Variants in ZNF229 observed in about 807,000 individuals in gnomAD.
The protein encoded by ZNF229 is zinc finger protein 229.
ZNF229 carries 10 observed loss-of-function variants against 11.8 expected under a neutral mutation model. The ratio of observed to expected loss-of-function variants is 0.85; its 90% CI spans 0.52 to 1.44. ZNF229 has a LOEUF of 1.44. Among genes scored for constraint, ZNF229 ranks in the 40% most tolerant of loss-of-function variants. ZNF229 has a pLI of 0.00. For synonymous variants in ZNF229, 368 were observed against 374.8 expected (o/e 0.98, Z 0.21); for missense variants, 1,045 against 1,015.1 (o/e 1.03, Z -0.40).
At chr19:44,434,822 T>C (rs1352172445) in intron 4 of ZNF229, among the ~76,000 whole-genome samples, 1 of 152,188 alleles carries the variant, frequency 6.6e-6, no homozygotes, top group Admixed American at 6.6e-5. Flanking sequence ...ACATGGTTTG[T>C]CTCTGTCCCC....
At position 44,430,433 on chromosome 19, in the gene ZNF229, T is replaced by G. The variant is rs1971700744; in HGVS notation, c.348A>C (p.Leu116Phe). 4.3e-6 allele frequency: 7 copies of G among 1,614,162 alleles called. No individual in the cohort carries two copies. Among genetic ancestry groups the G allele is most frequent in the Non-Finnish European group, 5.9e-6 (7 of 1,180,026 alleles). The change falls in exon 6 of 6, where the codon TTA (leucine) becomes TTC (phenylalanine). Residue 116 changes from leucine (L) to phenylalanine (F), a missense_variant. Leu to Phe is a conservative substitution (Grantham distance 22). Coordinates refer to ENST00000614049, the MANE Select transcript of ZNF229 (RefSeq NM_014518.4). Reference sequence around the variant, plus strand: ...TTACTCTACAGTCTTGGCTCCCAGGTAATTCACCTGCCACCTCTTCCCAGA... The same window carrying G: ...TTACTCTACAGTCTTGGCTCCCAGGGAATTCACCTGCCACCTCTTCCCAGA... ...CKIWEEVAGE[L>F]PGSQDCRVNL...
At position 44,429,902 on chromosome 19, in the gene ZNF229, A is replaced by G; in HGVS notation, c.879T>C (p.Cys293=). The change falls in exon 6 of 6, where the codon TGT becomes TGC. Residue 293 remains cysteine, a synonymous_variant. Transcript: ENST00000614049. ...HPRVPLKEKL[C]QYDEFSEGLR... ...AGCCCTCACTAAACTCATCATATTG[A>G]CAGAGTTTCTCTTTCAAAGGTACTC... is the stretch of plus-strand genomic sequence containing the variant. 6.2e-7 allele frequency: 1 copy of G among 1,614,058 alleles called. No homozygotes were observed. Among genetic ancestry groups the G allele is most frequent in the Non-Finnish European group, 8.5e-7 (1 of 1,180,004 alleles).
chr19:44,428,135 C>A lies in ZNF229; in HGVS notation c.*168G>T. 1.4e-6 allele frequency: 1 copy of A among 704,084 alleles called. No individual in the cohort carries two copies. The highest frequency in any genetic ancestry group is 2.3e-6 in the Non-Finnish European group (1 of 437,348). The allele number at this position is 704,084 out of a possible 1,614,324, so 43.6% of individuals were successfully genotyped here. A position where few individuals can be genotyped will look rare whatever the true frequency, so the allele number is the denominator to read the frequency against. The stretch of plus-strand genomic sequence containing the variant: ...TGAAGTTTGTAACTGAAGTGCTAAC[C>A]TATTTATCACACATCCAGGTGTTCC... On this transcript the variant is annotated 3_prime_UTR_variant, in exon 6 of 6. Coordinates refer to ENST00000614049, the MANE Select transcript of ZNF229 (RefSeq NM_014518.4).
chr19:44,428,377 CA>C lies in ZNF229; in HGVS notation c.2403del (p.Cys801TrpfsTer19), dbSNP rs749988568. On this transcript the variant is annotated frameshift_variant, in exon 6 of 6. Transcript: ENST00000614049. LOFTEE classifies it low-confidence loss of function (END_TRUNC). ...CCTGAGGTATAACTGAAGCCTTTCCCACACACACCACACGTATAGGGCTTCT... is the reference window on the plus strand; with the variant it reads ...CCTGAGGTATAACTGAAGCCTTTCCCCACACACCACACGTATAGGGCTTCT... ...TGEKPYTCGV[C>X]GKGFSYTSGL... is the part of the protein sequence containing the mutation. The C allele has an allele frequency of 7.4e-6, 12 of 1,614,086 alleles. No individual in the cohort carries two copies. In the South Asian group the frequency reaches 1.3e-4, roughly 18 times the overall value.
At position 44,430,547 on chromosome 19, in the gene ZNF229, G is replaced by A. The variant is rs894741683; in HGVS notation, c.239-5C>T. 3.7e-6 allele frequency: 6 copies of A among 1,608,376 alleles called. No homozygotes were observed. The highest frequency in any genetic ancestry group is 4.2e-6 in the Non-Finnish European group (5 of 1,177,088). On this transcript the variant is annotated splice_region_variant and splice_polypyrimidine_tract_variant and intron_variant, in intron 5 of 5. Coordinates refer to ENST00000614049, the MANE Select transcript of ZNF229 (RefSeq NM_014518.4). ...TATCCTTTCCATTCTTGTCTCCTAT[G>A]AGGTTAAAGACAATTCAGAGATGAG...
intron 4 of ZNF229, among the ~76,000 whole-genome samples, chr19:44,437,553 G>T (rs1350840065): frequency 1.3e-5 from 2 of 152,210 alleles, no homozygotes; most frequent in African/African-American, 4.8e-5. Flanking sequence ...ATACAAAGCA[G>T]TGTGGTGATT....
chr19:44,428,029 T>C lies in ZNF229; in HGVS notation c.*274A>G. The C allele has an allele frequency of 2.9e-6, 1 of 347,484 alleles. No individual in the cohort carries two copies. The highest frequency in any genetic ancestry group is 4.7e-5 in the East Asian group (1 of 21,346). The allele number at this position is 347,484 out of a possible 1,614,324, so 21.5% of individuals were successfully genotyped here. On this transcript the variant is annotated 3_prime_UTR_variant, in exon 6 of 6. Coordinates refer to ENST00000614049, the MANE Select transcript of ZNF229 (RefSeq NM_014518.4). ...AAGCTCCCTCCCAGGCAGATTCTGA[T>C]GGAAGTGAGGATTATTACTGAAACC...
rs758830367 is a variant in ZNF229, at chr19:44,429,008, C to G, written c.1773G>C (p.Gln591His). 3 of 1,613,896 alleles carry G rather than the reference C, an allele frequency of 1.9e-6. No homozygotes were observed. The highest frequency in any genetic ancestry group is 2.5e-6 in the Non-Finnish European group (3 of 1,179,948). ...AGGGCCTCTCTCCCGTGTGGACCCT[C>G]TGGTGGCTGTGAAGGTCTGAATTCC... The part of the protein sequence containing the change: ...FRRNSDLHSH[Q>H]RVHTGERPYV... Residue 591 changes from glutamine (Q) to histidine (H), a missense_variant, in exon 6 of 6, where the codon CAG (glutamine) becomes CAC (histidine). Transcript: ENST00000614049.
rs204554 is a variant in ZNF229 at position 44,428,148 on chromosome 19, A to G, written c.*155T>C. The G allele has an allele frequency of 0.78, 602,470 of 771,092 alleles. 238,066 individuals carry two copies. The highest frequency in any genetic ancestry group is 1 in the East Asian group (37,362 of 37,398). 47.8% of individuals were successfully genotyped at this position (771,092 alleles called of 1,614,324 possible). Reference sequence around the variant, plus strand: ...TGAAGTGCTAACCTATTTATCACACATCCAGGTGTTCCCTTCCTATGCAGA... The same window carrying G: ...TGAAGTGCTAACCTATTTATCACACGTCCAGGTGTTCCCTTCCTATGCAGA... On this transcript the variant is annotated 3_prime_UTR_variant, in exon 6 of 6. Transcript: ENST00000614049.
At chr19:44,442,283 C>G (rs1365666972) in intron 4 of ZNF229, among the ~76,000 whole-genome samples, 1 of 152,148 alleles carries the variant, frequency 6.6e-6, no homozygotes, top group East Asian at 1.9e-4. Flanking sequence ...GCTTGGGCCT[C>G]TGCGTGAAGC....
Position 44,430,505 on chromosome 19 carries a change from A to G in ZNF229, c.276T>C (p.Asp92=). 1 of 1,614,082 alleles carries G rather than the reference A, an allele frequency of 6.2e-7. No homozygotes were observed. The highest frequency in any genetic ancestry group is 8.5e-7 in the Non-Finnish European group (1 of 1,180,012). ...KNGKDTEYIQ[D]EELRFFSHKE... ...TGTGTGAAAAGAACCTTAATTCTTC[A>G]TCTTGAATATACTCCGTATCCTTTC... Residue 92 remains aspartate (D), a synonymous_variant, in exon 6 of 6, where the codon GAT becomes GAC. Transcript: ENST00000614049.
At position 44,429,675 on chromosome 19, in the gene ZNF229, C is replaced by T. The variant is rs1299934001; in HGVS notation, c.1106G>A (p.Gly369Glu). ...RYKSVLLIHQ[G>E]VHTGRRPYKC... is the part of the protein sequence containing the mutation. ...ATAGGGTCTCCTTCCTGTGTGCACC[C>T]CTTGATGAATAAGAAGAACCGATTT... Residue 369 changes from glycine to glutamate, a missense_variant, in exon 6 of 6, where the codon GGG becomes GAG. Gly to Glu is a moderately conservative substitution (Grantham distance 98). Transcript: ENST00000614049. The T allele has an allele frequency of 6.2e-7, 1 of 1,614,118 alleles. No homozygotes were observed. The highest frequency in any genetic ancestry group is 1.1e-5 in the South Asian group (1 of 91,090).
chr19:44,443,876 T>C (rs1033067795), intron 2 of ZNF229, among the ~76,000 whole-genome samples: 1 of 152,196 alleles, frequency 6.6e-6, no homozygotes, highest in Admixed American at 6.5e-5. Flanking sequence ...TCCTGAGTTA[T>C]GCTCATGGAG....
At chr19:44,445,665 T>C (rs62116270) in intron 2 of ZNF229, among the ~76,000 whole-genome samples, 17,834 of 152,200 alleles carry the variant, frequency 0.12, 1,043 homozygotes, top group Middle Eastern at 0.2. Flanking sequence ...CACCCTCCTC[T>C]GCTTCATTTT....
rs753453548 is a variant in ZNF229 at position 44,429,967 on chromosome 19, T to C, written c.814A>G (p.Asn272Asp). The change falls in exon 6 of 6, where the codon AAT (asparagine) becomes GAT (aspartate). Residue 272 changes from asparagine (N) to aspartate (D), a missense_variant. Asn to Asp is a conservative substitution (Grantham distance 23). Coordinates refer to ENST00000614049, the MANE Select transcript of ZNF229 (RefSeq NM_014518.4). ...AGGTCTGCATCGTCCCTGAAGCCAT[T>C]TCTGTATTCGTTACTTTTCAAGCCA... ...ENGLKSNEYRNGFRDDADLPP... is the reference protein window; with the variant it reads ...ENGLKSNEYRDGFRDDADLPP... 3 of 1,613,836 alleles carry C rather than the reference T, an allele frequency of 1.9e-6. No homozygotes were observed. Among genetic ancestry groups the C allele is most frequent in the Non-Finnish European group, 2.5e-6 (3 of 1,179,770 alleles).
At chr19:44,431,285 A>T (rs1971718073) in intron 5 of ZNF229, among the ~76,000 whole-genome samples, 1 of 152,182 alleles carries the variant, frequency 6.6e-6, no homozygotes, top group South Asian at 2.1e-4. Context: ...CCAGGCTGCA[A>T]AGGATCAAAC....
intron 4 of ZNF229, among the ~76,000 whole-genome samples, chr19:44,438,743 C>T (rs900233612): frequency 6.6e-6 from 1 of 152,062 alleles, no homozygotes; most frequent in African/African-American, 2.4e-5. Context: ...CCTAATGAAA[C>T]TTTCATAAAA....
rs773211657 is a variant in ZNF229, at chr19:44,429,858, A to G, written c.923T>C (p.Leu308Pro). 1.2e-6 allele frequency: 2 copies of G among 1,614,072 alleles called. No individual in the cohort carries two copies. The highest frequency in any genetic ancestry group is 2.2e-5 in the South Asian group (2 of 91,070). Residue 308 changes from leucine to proline, a missense_variant, in exon 6 of 6, where the codon CTT becomes CCT. Physicochemically the swap from Leu to Pro is moderately conservative, Grantham distance 98. Coordinates refer to ENST00000614049, the MANE Select transcript of ZNF229 (RefSeq NM_014518.4). ...FSEGLRHSAH[L>P]NRHQRVPTGE... ...TGTGGGAACTCTTTGATGTCTGTTA[A>G]GATGGGCACTGTGCCTCAAGCCCTC...
chr19:44,429,822 G>T lies in ZNF229; in HGVS notation c.959C>A (p.Ser320Tyr). The T allele has an allele frequency of 2.5e-6, 4 of 1,614,034 alleles. No individual in the cohort carries two copies. Among genetic ancestry groups the T allele is most frequent in the Non-Finnish European group, 3.4e-6 (4 of 1,180,002 alleles). The change falls in exon 6 of 6, where the codon TCT becomes TAT. Residue 320 changes from serine to tyrosine, a missense_variant. By Grantham distance (144) the Ser-to-Tyr change is moderately radical. Transcript: ENST00000614049. Reference sequence around the variant, plus strand: ...CCGACCACGCTCAAGACTCTTAACAGATTTCTCTCCTGTGGGAACTCTTTG... The same window carrying T: ...CCGACCACGCTCAAGACTCTTAACATATTTCTCTCCTGTGGGAACTCTTTG... ...RHQRVPTGEK[S>Y]VKSLERGRGV...
Sources: gnomAD v4.1 joint callset for allele counts (sites outside exome capture counted in the v4.1 genomes callset) on GRCh38, gnomAD v4.1.1 for gene constraint, MANE v1.5 for transcripts, NCBI Gene and HGNC (gene_info 2026-07-23, HGNC 2026-07-21) for gene names.